FBN1: variants seen among roughly 807,000 people sequenced by gnomAD.
FBN1 encodes the protein fibrillin 1.
Under a neutral mutation model 365.1 loss-of-function variants are expected in FBN1, and 29 were observed. The observed-to-expected ratio is 0.08, with a 90% confidence interval of 0.06 to 0.11. FBN1 has a LOEUF of 0.11. Ranked by LOEUF, FBN1 falls within the 10% of genes least tolerant of loss-of-function variation. FBN1 has a pLI of 1.00. For missense variants in FBN1, 2,476 were observed against 3,703.2 expected, an observed-to-expected ratio of 0.67 and a Z score of 8.60; for synonymous variants, 1,210 against 1,270.5, an observed-to-expected ratio of 0.95 and a Z score of 1.01.
chr15:48,461,407 T>C (rs1479357901), intron 42 of FBN1, among the ~76,000 whole-genome samples: 1 of 152,140 alleles, frequency 6.6e-6, no homozygotes, highest in East Asian at 1.9e-4. Flanking sequence ...CAATAATCCA[T>C]TAGGATAAAA....
chr15:48,445,206 A>G (rs938288795), intron 48 of FBN1, among the ~76,000 whole-genome samples, 170 bp downstream of exon 48: 3 of 141,076 alleles, frequency 2.1e-5, no homozygotes, highest in Non-Finnish European at 3.1e-5. Context: ...ACATATATAT[A>G]TGTGTATATA....
intron 49 of FBN1, among the ~76,000 whole-genome samples, chr15:48,442,486 T>A (rs1404747683): frequency 6.6e-6 from 1 of 152,230 alleles, no homozygotes; most frequent in Non-Finnish European, 1.5e-5. Context: ...TGTACAGGCT[T>A]TTTCTTTCAT....
At chr15:48,533,604 G>T (rs900214536) in intron 8 of FBN1, among the ~76,000 whole-genome samples, 2 of 152,214 alleles carry the variant, frequency 1.3e-5, no homozygotes, top group Non-Finnish European at 2.9e-5. Context: ...CCATCCCCCA[G>T]AAAAGAAAAT....
rs58125518 is a variant in FBN1, at chr15:48,575,802, T to TACACACAC, written c.538+20473_538+20480dup. ...AGGGCTGGATAAAGAAAATGTGAGA[T>TACACACAC]ACACACACACACACACACACACACA... On this transcript the variant is annotated intron_variant, in intron 6 of 65. Coordinates refer to ENST00000316623, the MANE Select transcript of FBN1 (RefSeq NM_000138.5). Among the ~76,000 whole-genome samples the TACACACAC allele has an allele frequency of 6.7e-3, 936 of 140,216 alleles. 9 individuals carry two copies. The highest frequency in any genetic ancestry group is 0.011 in the Middle Eastern group (3 of 270). The allele number at this position is 140,216 out of a possible 152,430, so 92.0% of individuals were successfully genotyped here.
At position 48,483,962 on chromosome 15, in the gene FBN1, A is replaced by G. The variant is rs536156749; in HGVS notation, c.3713-19T>C. The stretch of plus-strand genomic sequence containing the variant: ...TCGATGTCTGCAAAGAATAAAACCA[A>G]CAACCACAGGTTGTTGATATTGGTT... On this transcript the variant is annotated intron_variant, in intron 30 of 65. Transcript: ENST00000316623. The G allele has an allele frequency of 3.1e-6, 5 of 1,611,234 alleles. No individual in the cohort carries two copies. Among genetic ancestry groups the G allele is most frequent in the South Asian group, 1.1e-5 (1 of 91,066 alleles).
chr15:48,452,495 A>G, intron 45 of FBN1, 67 bp downstream of exon 45: 1 of 1,576,758 alleles, frequency 6.3e-7, no homozygotes, highest in African/African-American at 1.3e-5. Flanking sequence ...AAATAAATCC[A>G]GATATCTGAA....
At chr15:48,579,220 AATTAGAGCAGAGAATAAGAAGTT>A (rs2044372974) in intron 6 of FBN1, among the ~76,000 whole-genome samples, 1 of 152,110 alleles carries the variant, frequency 6.6e-6, no homozygotes, top group Non-Finnish European at 1.5e-5. Context: ...TGGATGTAGC[AATTAGAGCAGAGAATAAGAAGTT>A]TTTCCTTGCA....
At chr15:48,542,306 A>T (rs1473167352) in intron 6 of FBN1, among the ~76,000 whole-genome samples, 1 of 152,222 alleles carries the variant, frequency 6.6e-6, no homozygotes, top group African/African-American at 2.4e-5. Context: ...GGAAGGCACA[A>T]GGATATAATT....
At chr15:48,505,827 C>G (rs564804415) in intron 15 of FBN1, among the ~76,000 whole-genome samples, 1 of 152,138 alleles carries the variant, frequency 6.6e-6, no homozygotes, top group Non-Finnish European at 1.5e-5. Context: ...AAGACTTTAT[C>G]GGACACATAT....
rs1232119767 is a variant in FBN1 at position 48,513,565 on chromosome 15, C to T, written c.1572G>A (p.Thr524=). 11 of 1,614,002 alleles carry T rather than the reference C, an allele frequency of 6.8e-6. No individual in the cohort carries two copies. The East Asian group carries it at 8.9e-5, about 13-fold the overall frequency. ...GGACCATACCTCGGCATTCTGTCCG[C>T]GTGAGTGTGCTCTGATATCCAGCTC... The part of the protein sequence containing the change: ...QCRAGYQSTL[T]RTECRDIDEC... Residue 524 remains threonine (T), a synonymous_variant, in exon 13 of 66, where the codon ACG becomes ACA. Transcript: ENST00000316623.
At chr15:48,480,792 T>C (rs2043459769) in intron 32 of FBN1, among the ~76,000 whole-genome samples, 1 of 152,206 alleles carries the variant, frequency 6.6e-6, no homozygotes, top group Admixed American at 6.5e-5. Context: ...TTAAAGACTG[T>C]TATTTATTAA....
At chr15:48,605,798 C>G (rs112374523) in intron 4 of FBN1, among the ~76,000 whole-genome samples, 97 of 152,214 alleles carry the variant, frequency 6.4e-4, no homozygotes, top group African/African-American at 2.2e-3. Flanking sequence ...TAACTTGAGC[C>G]TGGGAGACGG....
rs1291913287 is a variant in FBN1 at position 48,460,271 on chromosome 15, G to A, written c.5271C>T (p.Ile1757=). 8 of 1,613,526 alleles carry A rather than the reference G, an allele frequency of 5.0e-6. No homozygotes were observed. The highest frequency in any genetic ancestry group is 1.1e-5 in the South Asian group (1 of 91,064). Residue 1757 remains isoleucine, a synonymous_variant, in exon 43 of 66, where the codon ATC becomes ATT. Transcript: ENST00000316623. The part of the protein sequence containing the change: ...LCGSQRPGFV[I]DIYTGLPVDI... ...CAACGGGTAAACCGGTATAAATGTCGATGACAAAGCCTGGCCTTTGACTTC... is the reference window on the plus strand; with the variant it reads ...CAACGGGTAAACCGGTATAAATGTCAATGACAAAGCCTGGCCTTTGACTTC...
At chr15:48,513,803 C>CT in intron 12 of FBN1, 135 bp from the exon 13 acceptor site, 1 of 995,804 alleles carries the variant, frequency 1.0e-6, no homozygotes, top group Non-Finnish European at 1.5e-6. Context: ...GATCTTTTTT[C>CT]TTTCCACTAC....
At chr15:48,602,583 G>T (rs905631435) in intron 4 of FBN1, among the ~76,000 whole-genome samples, 1 of 152,126 alleles carries the variant, frequency 6.6e-6, no homozygotes, top group Non-Finnish European at 1.5e-5. Flanking sequence ...CTACTAAGTA[G>T]GTTGCTATTA....
intron 32 of FBN1, among the ~76,000 whole-genome samples, chr15:48,478,721 C>T (rs980976399): frequency 1.3e-5 from 2 of 152,146 alleles, no homozygotes; most frequent in Non-Finnish European, 2.9e-5. Flanking sequence ...TGGAACATTC[C>T]CCCTTGGCAA....
At chr15:48,485,345 G>T (rs769027324) in intron 30 of FBN1, 29 bp downstream of exon 30, 2 of 1,614,000 alleles carry the variant, frequency 1.2e-6, no homozygotes, top group African/African-American at 1.3e-5. Flanking sequence ...CCTACTGAGA[G>T]ATTCAACATG....
At chr15:48,438,011 G>A (rs948860306) in intron 50 of FBN1, 94 bp from the exon 51 acceptor site, 36 of 1,311,860 alleles carry the variant, frequency 2.7e-5, no homozygotes, top group Middle Eastern at 3.6e-4. Flanking sequence ...TGTTATATAT[G>A]TTCTCCTCTC....
intron 6 of FBN1, among the ~76,000 whole-genome samples, chr15:48,577,692 G>A (rs2044359658): frequency 6.6e-6 from 1 of 152,110 alleles, no homozygotes; most frequent in African/African-American, 2.4e-5. Flanking sequence ...CTTCCCTGAA[G>A]TTTCTTTAGT....
Sources: allele counts gnomAD v4.1 joint callset (sites outside exome capture counted in the v4.1 genomes callset), GRCh38; gene constraint gnomAD v4.1.1; transcripts MANE v1.5; gene names NCBI Gene and HGNC (gene_info 2026-07-23, HGNC 2026-07-21).